The following WDR27 variants were observed in gnomAD, a reference collection of about 807,000 sequenced individuals.
WDR27 encodes WD repeat domain 27, also known as WD repeat-containing protein 27.
Under a neutral mutation model 114.4 loss-of-function variants are expected in WDR27, and 100 were observed. The ratio of observed to expected loss-of-function variants is 0.87; its 90% CI spans 0.74 to 1.03. The LOEUF (loss-of-function observed/expected upper bound fraction) is 1.03. Ranked by LOEUF, WDR27 falls within the 50% of genes least tolerant of loss-of-function variation. WDR27 has a pLI of 0.00. For missense variants in WDR27, 1,129 were observed against 1,092.9 expected (o/e 1.03, Z -0.47); for synonymous variants, 449 against 423.1 (o/e 1.06, Z -0.75).
the WDR27 span, among the ~76,000 whole-genome samples, chr6:169,450,804 G>C: frequency 6.6e-6 from 1 of 152,106 alleles, no homozygotes; most frequent in South Asian, 2.1e-4. Context: ...TAGGATCAGC[G>C]GTTTGCTCCT....
intron 2 of WDR27, among the ~76,000 whole-genome samples, chr6:169,675,306 C>T (rs928104920): frequency 6.6e-6 from 1 of 152,150 alleles, no homozygotes; most frequent in African/African-American, 2.4e-5. Flanking sequence ...CCATGCCTTG[C>T]TCCTGTTTTT....
chr6:169,434,834 C>T, the WDR27 span, among the ~76,000 whole-genome samples: 1 of 152,200 alleles, frequency 6.6e-6, no homozygotes, highest in East Asian at 1.9e-4. Flanking sequence ...GGGAGAAATT[C>T]AAGCCAGTTG....
Position 169,609,968 on chromosome 6 carries a change from G to C in WDR27, c.2321+3591C>G, listed in dbSNP as rs551914366. On this transcript the variant is annotated intron_variant, in intron 22 of 25. Transcript: ENST00000448612. ...CAAGTTCAAAGTCCACAAATCTCTA[G>C]GGCAGGGGCAAAATGCCATCAGTCT... Among the ~76,000 whole-genome samples the C allele has an allele frequency of 5.9e-5, 9 of 152,294 alleles. No homozygotes were observed. In the South Asian group the frequency reaches 1.9e-3, roughly 32 times the overall value.
chr6:169,640,018 C>G (rs1346436922), intron 17 of WDR27, among the ~76,000 whole-genome samples: 1 of 152,094 alleles, frequency 6.6e-6, no homozygotes, highest in African/African-American at 2.4e-5. Context: ...CCGCACCCAG[C>G]CCTGCAGCCT....
rs1425686485 is a variant in WDR27, at chr6:169,602,311, G to A, written c.2332C>T (p.His778Tyr). The A allele has an allele frequency of 6.5e-7, 1 of 1,549,924 alleles. No homozygotes were observed. The highest frequency in any genetic ancestry group is 8.7e-7 in the Non-Finnish European group (1 of 1,143,188). The stretch of plus-strand genomic sequence containing the variant: ...CCGCGGGTTGGATGCCCTTCAAAGT[G>A]GCGCTCACACCTACAGGGAGGAAAG... ...WDLRTLRCERHFEGHPTRGYP... is the reference protein window; with the variant it reads ...WDLRTLRCERYFEGHPTRGYP... The change falls in exon 23 of 26, where the codon CAC becomes TAC. Residue 778 changes from histidine (H) to tyrosine (Y), a missense_variant. Coordinates refer to ENST00000448612, the MANE Select transcript of WDR27 (RefSeq NM_182552.5).
At chr6:169,455,738 T>G (rs1027309510), downstream of WDR27, among the ~76,000 whole-genome samples, 1 of 152,214 alleles carries the variant, frequency 6.6e-6, no homozygotes, top group Non-Finnish European at 1.5e-5. Flanking sequence ...GGCTGCTGTC[T>G]TCCTAGAAAG....
intron 24 of WDR27, among the ~76,000 whole-genome samples, chr6:169,579,729 T>C (rs1803056845): frequency 2.0e-5 from 3 of 152,110 alleles, no homozygotes. Flanking sequence ...ATGTAGCATA[T>C]AATTAAGAGT....
At chr6:169,592,627 C>A (rs575457159) in intron 23 of WDR27, among the ~76,000 whole-genome samples, 1 of 152,274 alleles carries the variant, frequency 6.6e-6, no homozygotes, top group African/African-American at 2.4e-5. Context: ...ATCTTGTCAC[C>A]TATGAATAAT....
At chr6:169,537,320 T>C (rs73792921) in intron 25 of WDR27, among the ~76,000 whole-genome samples, 2,519 of 152,196 alleles carry the variant, frequency 0.017, 65 homozygotes, top group African/African-American at 0.057. Context: ...GTGATGAACA[T>C]AGAATAGGGT....
At chr6:169,500,995 T>C (rs948748139) in intron 25 of WDR27, among the ~76,000 whole-genome samples, 3 of 152,218 alleles carry the variant, frequency 2.0e-5, no homozygotes, top group Admixed American at 6.5e-5. Flanking sequence ...GCCGGGATTC[T>C]CTACGTTTTC....
intron 25 of WDR27, among the ~76,000 whole-genome samples, chr6:169,544,426 CTTTT>C (rs201281369): frequency 7.1e-6 from 1 of 140,876 alleles, no homozygotes; most frequent in African/African-American, 2.6e-5. Flanking sequence ...ATTTCTTTTC[CTTTT>C]TTTTTTTTTT....
At chr6:169,628,699 A>G (rs1420862857) in intron 21 of WDR27, among the ~76,000 whole-genome samples, 1 of 152,170 alleles carries the variant, frequency 6.6e-6, no homozygotes, top group Non-Finnish European at 1.5e-5. Flanking sequence ...ATCATTTTAT[A>G]GTGCTTAGAA....
At chr6:169,518,786 A>G (rs6942195) in intron 25 of WDR27, among the ~76,000 whole-genome samples, 63,308 of 152,164 alleles carry the variant, frequency 0.42, 15,609 homozygotes, top group African/African-American at 0.69. Flanking sequence ...TTTCTCTGCC[A>G]CATGGCCAGG....
the WDR27 span, among the ~76,000 whole-genome samples, chr6:169,438,368 G>C: frequency 6.6e-6 from 1 of 151,188 alleles, no homozygotes; most frequent in Non-Finnish European, 1.5e-5. Flanking sequence ...CTCCCAAGTA[G>C]CTGGGACTAC....
At chr6:169,568,936 G>A (rs929582467) in intron 25 of WDR27, among the ~76,000 whole-genome samples, 15 of 152,164 alleles carry the variant, frequency 9.9e-5, no homozygotes, top group African/African-American at 3.6e-4. Context: ...TAGGGCTGTG[G>A]TGCCATATGG....
chr6:169,446,371 G>C, the WDR27 span, among the ~76,000 whole-genome samples: 1 of 151,858 alleles, frequency 6.6e-6, no homozygotes, highest in South Asian at 2.1e-4. Flanking sequence ...AGGTGGGCAG[G>C]GGCCGGGCAC....
At chr6:169,555,590 AG>A (rs1798758071) in intron 25 of WDR27, among the ~76,000 whole-genome samples, 6 of 152,226 alleles carry the variant, frequency 3.9e-5, no homozygotes. Flanking sequence ...ATGACACATG[AG>A]GTCAATTACA....
chr6:169,434,113 C>A, the WDR27 span, among the ~76,000 whole-genome samples: 1 of 152,096 alleles, frequency 6.6e-6, no homozygotes, highest in Non-Finnish European at 1.5e-5. Context: ...TTGTCAATTT[C>A]GGCTTTTGTT....
At chr6:169,454,081 T>C (rs1018559), downstream of WDR27, among the ~76,000 whole-genome samples, 56,714 of 152,122 alleles carry the variant, frequency 0.37, 13,291 homozygotes, top group Non-Finnish European at 0.53. Context: ...TTGATTACAT[T>C]ATTCCTAATG....
Sources: gnomAD v4.1 joint callset for allele counts (sites outside exome capture counted in the v4.1 genomes callset) on GRCh38, gnomAD v4.1.1 for gene constraint, MANE v1.5 for transcripts, NCBI Gene and HGNC (gene_info 2026-07-23, HGNC 2026-07-21) for gene names.